LTBP2: variants seen among roughly 807,000 people sequenced by gnomAD.
The protein encoded by LTBP2 is latent transforming growth factor beta binding protein 2.
LTBP2 carries 103 observed loss-of-function variants against 210.6 expected under a neutral mutation model. That is an observed-to-expected ratio of 0.49 (90% CI 0.42 to 0.58). The LOEUF is 0.58. LTBP2 is among the 20% of genes least tolerant of loss of function. LTBP2 has a pLI of 0.00. For synonymous variants in LTBP2, 1,007 were observed against 1,015.0 expected, an observed-to-expected ratio of 0.99 and a Z score of 0.15; for missense variants, 2,313 against 2,494.5, an observed-to-expected ratio of 0.93 and a Z score of 1.55.
At chr14:74,537,434 A>G (rs2087436325) in intron 8 of LTBP2, among the ~76,000 whole-genome samples, 1 of 152,224 alleles carries the variant, frequency 6.6e-6, no homozygotes, top group Non-Finnish European at 1.5e-5. Context: ...TATTCCATAC[A>G]AAGTTCCATA....
At chr14:74,557,171 G>A (rs1004886081) in intron 3 of LTBP2, among the ~76,000 whole-genome samples, 1 of 152,134 alleles carries the variant, frequency 6.6e-6, no homozygotes, top group African/African-American at 2.4e-5. Flanking sequence ...CTGAGGCTGA[G>A]AATCACTTGA....
Position 74,522,730 on chromosome 14 carries a change from T to C in LTBP2, c.2659+60A>G, listed in dbSNP as rs699371. 1,037,484 of 1,554,742 alleles carry C rather than the reference T, an allele frequency of 0.67. 347,880 individuals carry two copies. The highest frequency in any genetic ancestry group is 0.82 in the African/African-American group (60,304 of 73,808). ...CTTCCTGGACTCTCAACTCGGCCTC[T>C]TAGCCCCTGCTCCCATCTACCCCAG... On this transcript the variant is annotated intron_variant, in intron 16 of 35. Transcript: ENST00000261978.
intron 8 of LTBP2, among the ~76,000 whole-genome samples, chr14:74,547,251 T>C (rs2087589168): frequency 1.3e-5 from 2 of 152,122 alleles, no homozygotes; most frequent in South Asian, 4.1e-4. Flanking sequence ...CTTAGTGAAT[T>C]ACAGAGGAGA....
intron 3 of LTBP2, among the ~76,000 whole-genome samples, chr14:74,556,378 T>C (rs368151310): frequency 6.6e-6 from 1 of 152,252 alleles, no homozygotes; most frequent in South Asian, 2.1e-4. Context: ...CGTTTTTCAC[T>C]TAACATTAGA....
intron 8 of LTBP2, among the ~76,000 whole-genome samples, chr14:74,537,471 T>G (rs1055359355): frequency 2.6e-5 from 4 of 152,258 alleles, no homozygotes; most frequent in Non-Finnish European, 4.4e-5. Context: ...TCAAAGGTCT[T>G]GCTCTATAAA....
chr14:74,580,680 G>A (rs1231771887), intron 3 of LTBP2, among the ~76,000 whole-genome samples: 1 of 152,276 alleles, frequency 6.6e-6, no homozygotes, highest in East Asian at 1.9e-4. Context: ...AACTAACACA[G>A]GGGCCAGGTG....
At chr14:74,585,741 G>T in intron 3 of LTBP2, 113 bp downstream of exon 3, 1 of 1,521,484 alleles carries the variant, frequency 6.6e-7, no homozygotes, top group South Asian at 1.2e-5. Context: ...GAGGAGAGAA[G>T]GGAGGACTCT....
At position 74,499,654 on chromosome 14, in the gene LTBP2, C is replaced by T. The variant is rs1182403810; in HGVS notation, c.*1230G>A. On this transcript the variant is annotated 3_prime_UTR_variant, in exon 36 of 36. Coordinates refer to ENST00000261978, the MANE Select transcript of LTBP2 (RefSeq NM_000428.3). Reference sequence around the variant, plus strand: ...ATTGGAACCCATCATAGGCTATCAGCAGAGCTGGCCAGGGAGTAGGCACAG... The same window carrying T: ...ATTGGAACCCATCATAGGCTATCAGTAGAGCTGGCCAGGGAGTAGGCACAG... The T allele has an allele frequency of 1.3e-5, 3 of 226,258 alleles. No individual in the cohort carries two copies. The highest frequency in any genetic ancestry group is 2.6e-5 in the Non-Finnish European group (3 of 113,774). 14.0% of individuals were successfully genotyped at this position (226,258 alleles called of 1,614,324 possible). A position where few individuals can be genotyped will look rare whatever the true frequency, so the allele number is the denominator to read the frequency against.
intron 2 of LTBP2, among the ~76,000 whole-genome samples, chr14:74,600,070 TG>T (rs935527586): frequency 7.9e-5 from 12 of 151,306 alleles, no homozygotes; most frequent in African/African-American, 2.2e-4. Context: ...GCCACAGGGG[TG>T]GGGGAGAGCC....
chr14:74,599,087 T>C (rs1244448557), intron 2 of LTBP2, among the ~76,000 whole-genome samples: 1 of 152,224 alleles, frequency 6.6e-6, no homozygotes, highest in Non-Finnish European at 1.5e-5. Context: ...CGCGTTCATA[T>C]CATTCATCCC....
rs1299329919 is a variant in LTBP2 at position 74,503,339 on chromosome 14, C to CT, written c.4767dup (p.Val1590SerfsTer4). The stretch of plus-strand genomic sequence containing the variant: ...GGTTCGCTGCACACATCATTGGTGA[C>CT]TTTTTTCCAGCAGATGTCCATGTGG... On this transcript the variant is annotated frameshift_variant, in exon 33 of 36. Transcript: ENST00000261978. LOFTEE classifies it high-confidence loss of function. 2.5e-6 allele frequency: 4 copies of CT among 1,613,816 alleles called. No homozygotes were observed. Among genetic ancestry groups the CT allele is most frequent in the Non-Finnish European group, 3.4e-6 (4 of 1,179,988 alleles).
chr14:74,611,537 G>C lies in LTBP2; in HGVS notation c.408C>G (p.Thr136=), dbSNP rs1410030316. Residue 136 remains threonine (T), a synonymous_variant, in exon 1 of 36, where the codon ACC becomes ACG. Transcript: ENST00000261978. ...PLGQQQPAPR[T]RAAPALPRLG... is the part of the protein sequence containing the mutation. ...GGCGTGGGAGAGCCGGCGCGGCCCG[G>C]GTCCGGGGTGCTGGTTGCTGCTGGC... 48 of 1,564,926 alleles carry C rather than the reference G, an allele frequency of 3.1e-5. No homozygotes were observed. Among genetic ancestry groups the C allele is most frequent in the Non-Finnish European group, 3.8e-5 (44 of 1,163,230 alleles).
intron 2 of LTBP2, among the ~76,000 whole-genome samples, chr14:74,599,251 C>T (rs1176336177): frequency 2.6e-5 from 4 of 152,228 alleles, no homozygotes; most frequent in African/African-American, 7.2e-5. Flanking sequence ...CTCTTAATCT[C>T]GAGCCTTGCT....
At chr14:74,560,883 T>C (rs1170907764) in intron 3 of LTBP2, among the ~76,000 whole-genome samples, 2 of 152,246 alleles carry the variant, frequency 1.3e-5, no homozygotes, top group Non-Finnish European at 2.9e-5. Context: ...GTAGCTTATA[T>C]GCAAACATTA....
chr14:74,593,806 C>G (rs573666622), intron 2 of LTBP2, among the ~76,000 whole-genome samples: 5 of 152,184 alleles, frequency 3.3e-5, no homozygotes, highest in African/African-American at 1.2e-4. Context: ...ACCACTCCCC[C>G]AGAGGCCAGA....
chr14:74,588,849 T>C (rs1014781569), intron 2 of LTBP2, among the ~76,000 whole-genome samples: 3 of 152,198 alleles, frequency 2.0e-5, no homozygotes, highest in Non-Finnish European at 4.4e-5. Context: ...AGCTAGTTAA[T>C]GGTGGAGCCA....
chr14:74,604,783 G>A (rs1386229349), intron 1 of LTBP2, among the ~76,000 whole-genome samples: 2 of 152,080 alleles, frequency 1.3e-5, no homozygotes, highest in Non-Finnish European at 2.9e-5. Flanking sequence ...GAGCCACTGC[G>A]CCCAGCCCTT....
intron 3 of LTBP2, among the ~76,000 whole-genome samples, chr14:74,559,324 C>T (rs2087764496): frequency 6.6e-6 from 1 of 152,156 alleles, no homozygotes; most frequent in Non-Finnish European, 1.5e-5. Flanking sequence ...AATTCATTGT[C>T]ACCTACTACT....
At chr14:74,594,918 G>T (rs1006342345) in intron 2 of LTBP2, among the ~76,000 whole-genome samples, 1 of 152,238 alleles carries the variant, frequency 6.6e-6, no homozygotes, top group Non-Finnish European at 1.5e-5. Context: ...GGCTGTGGGA[G>T]AAGTCAGGGC....
Sources: allele counts gnomAD v4.1 joint callset (sites outside exome capture counted in the v4.1 genomes callset), GRCh38; gene constraint gnomAD v4.1.1; transcripts MANE v1.5; gene names NCBI Gene and HGNC (gene_info 2026-07-23, HGNC 2026-07-21).